Variants in WWP2 observed in about 807,000 individuals in gnomAD.
WWP2 encodes NEDD4-like E3 ubiquitin-protein ligase WWP2.
A neutral mutation model predicts 121.0 loss-of-function variants in WWP2; 57 were observed. The ratio of observed to expected loss-of-function variants is 0.47; its 90% CI spans 0.38 to 0.59. WWP2 has a LOEUF of 0.59. WWP2 is among the 20% of genes least tolerant of loss of function. The pLI, the probability that WWP2 is intolerant of heterozygous loss-of-function variation, is 0.00. For missense variants in WWP2, 962 were observed against 1,158.9 expected (o/e 0.83, Z 2.47); for synonymous variants, 449 against 441.3 (o/e 1.02, Z -0.22).
At chr16:69,883,105 A>C (rs1442094517) in intron 7 of WWP2, among the ~76,000 whole-genome samples, 21 of 151,764 alleles carry the variant, frequency 1.4e-4, no homozygotes, top group Admixed American at 1.4e-3. Context: ...GTGAGCCAAG[A>C]TCATGTCACT....
At chr16:69,802,502 A>G (rs943444150) in intron 4 of WWP2, among the ~76,000 whole-genome samples, 1 of 152,088 alleles carries the variant, frequency 6.6e-6, no homozygotes, top group African/African-American at 2.4e-5. Flanking sequence ...TAGTGGAACC[A>G]TACAGTATTT....
At position 69,888,136 on chromosome 16, in the gene WWP2, C is replaced by T. The variant is rs2057958111; in HGVS notation, c.801C>T (p.Pro267=). Residue 267 remains proline, a synonymous_variant, in exon 8 of 24, where the codon CCC becomes CCT. Coordinates refer to ENST00000359154, the MANE Select transcript of WWP2 (RefSeq NM_001270454.2). ...PAAPLSVTPN[P]NTTSLPAPAT... ...CACCCTTGAGTGTGACCCCGAATCC[C>T]AACACGACTTCTCTCCCTGCCCCAG... 2 of 1,614,070 alleles carry T rather than the reference C, an allele frequency of 1.2e-6. No individual in the cohort carries two copies. The highest frequency in any genetic ancestry group is 1.3e-5 in the African/African-American group (1 of 74,902).
chr16:69,936,038 G>C (rs1302640527), intron 18 of WWP2, 52 bp downstream of exon 18: 2 of 1,597,650 alleles, frequency 1.3e-6, no homozygotes, highest in Non-Finnish European at 8.5e-7. Context: ...GACGTCTCTG[G>C]GTGGGAAGCA....
chr16:69,853,982 C>A (rs1481082812), intron 6 of WWP2, among the ~76,000 whole-genome samples: 3 of 152,106 alleles, frequency 2.0e-5, no homozygotes. Flanking sequence ...TGAAAGTGCA[C>A]CCATAGGAGG....
At chr16:69,786,586 G>T (rs941321781) in intron 1 of WWP2, among the ~76,000 whole-genome samples, 4 of 151,794 alleles carry the variant, frequency 2.6e-5, no homozygotes, top group African/African-American at 9.7e-5. Context: ...GAGTTGCTGG[G>T]ATTACAGGCA....
intron 4 of WWP2, among the ~76,000 whole-genome samples, chr16:69,835,069 A>G (rs75876862): frequency 0.023 from 3,553 of 152,206 alleles, 59 homozygotes; most frequent in Middle Eastern, 0.075. Flanking sequence ...TGAGCTTCCT[A>G]TATGCTAACT....
intron 7 of WWP2, among the ~76,000 whole-genome samples, chr16:69,873,312 G>C (rs1200512852): frequency 6.6e-6 from 1 of 152,186 alleles, no homozygotes; most frequent in Non-Finnish European, 1.5e-5. Context: ...CTGTTGCCTG[G>C]GTACCCTGTC....
At chr16:69,859,498 G>A (rs968486151) in intron 6 of WWP2, among the ~76,000 whole-genome samples, 1 of 152,204 alleles carries the variant, frequency 6.6e-6, no homozygotes, top group South Asian at 2.1e-4. Context: ...CGAGGATGCA[G>A]TGAGCTGTGA....
intron 8 of WWP2, among the ~76,000 whole-genome samples, chr16:69,893,246 A>G (rs2058057212): frequency 6.6e-6 from 1 of 152,198 alleles, no homozygotes; most frequent in Non-Finnish European, 1.5e-5. Context: ...CACACCTGTC[A>G]TTGCTTGTTT....
intron 1 of WWP2, among the ~76,000 whole-genome samples, chr16:69,770,469 G>A (rs2055391257): frequency 6.6e-6 from 1 of 152,162 alleles, no homozygotes; most frequent in Admixed American, 6.5e-5. Flanking sequence ...AGGGCTTGGA[G>A]GCTCTGTGCC....
intron 12 of WWP2, 58 bp downstream of exon 12, chr16:69,929,587 C>T: frequency 6.6e-7 from 1 of 1,503,792 alleles, no homozygotes; most frequent in Non-Finnish European, 9.2e-7. Flanking sequence ...GCAGCTCCAG[C>T]ACTGGGCAGG....
At chr16:69,763,939 C>T (rs1459516360) in intron 1 of WWP2, among the ~76,000 whole-genome samples, 1 of 152,168 alleles carries the variant, frequency 6.6e-6, no homozygotes, top group African/African-American at 2.4e-5. Flanking sequence ...AAAACAGGCT[C>T]GAGAGAAAGG....
At chr16:69,934,613 C>T (rs1173658003) in intron 17 of WWP2, among the ~76,000 whole-genome samples, 2 of 151,952 alleles carry the variant, frequency 1.3e-5, no homozygotes, top group African/African-American at 2.4e-5. Flanking sequence ...GACACTGTCA[C>T]GGCATTTGGG....
At chr16:69,786,498 C>T (rs975664310) in intron 1 of WWP2, among the ~76,000 whole-genome samples, 3 of 136,644 alleles carry the variant, frequency 2.2e-5, no homozygotes, top group Non-Finnish European at 4.5e-5. Context: ...GTCACCCAGG[C>T]TGCAGTGCAA....
At chr16:69,931,435 C>T (rs951706153) in intron 14 of WWP2, 74 bp from the exon 15 acceptor site, 2 of 1,584,666 alleles carry the variant, frequency 1.3e-6, no homozygotes, top group Non-Finnish European at 1.7e-6. Context: ...CTGGGGAATG[C>T]CTGTTCATAC....
intron 1 of WWP2, among the ~76,000 whole-genome samples, chr16:69,775,830 G>T (rs1244599123): frequency 1.3e-5 from 2 of 152,138 alleles, no homozygotes; most frequent in East Asian, 3.8e-4. Flanking sequence ...TAGGTAATAG[G>T]AAATGAGATA....
chr16:69,855,867 G>A (rs575844338), intron 6 of WWP2, among the ~76,000 whole-genome samples: 16 of 152,228 alleles, frequency 1.1e-4, no homozygotes, highest in Non-Finnish European at 1.5e-4. Flanking sequence ...TATGTATTTC[G>A]AGGTTATTTC....
At chr16:69,932,277 C>A (rs1393912747) in intron 16 of WWP2, among the ~76,000 whole-genome samples, 1 of 152,256 alleles carries the variant, frequency 6.6e-6, no homozygotes, top group African/African-American at 2.4e-5. Flanking sequence ...TTGCAGTGAG[C>A]CGAGATCGTG....
At chr16:69,908,636 G>C (rs1483654237) in intron 8 of WWP2, 125 bp from the exon 9 acceptor site, 3 of 1,520,972 alleles carry the variant, frequency 2.0e-6, no homozygotes, top group Non-Finnish European at 2.6e-6. Flanking sequence ...CATTGGGTCG[G>C]CCTCGCATGT....
Sources: gnomAD v4.1 joint callset for allele counts (sites outside exome capture counted in the v4.1 genomes callset) on GRCh38, gnomAD v4.1.1 for gene constraint, MANE v1.5 for transcripts, NCBI Gene and HGNC (gene_info 2026-07-23, HGNC 2026-07-21) for gene names.